The following KDM4C variants were observed in gnomAD, a reference collection of about 807,000 sequenced individuals.
The protein encoded by KDM4C is lysine demethylase 4C, also known as lysine-specific demethylase 4C.
A neutral mutation model predicts 129.3 loss-of-function variants in KDM4C; 81 were observed. The observed-to-expected ratio is 0.63, with a 90% CI of 0.52 to 0.75. KDM4C has a LOEUF of 0.75. Among genes scored for constraint, KDM4C ranks in the 30% least tolerant of loss-of-function variants. The pLI is 0.00. For missense variants in KDM4C, 1,457 were observed against 1,304.0 expected (o/e 1.12, Z -1.81); for synonymous variants, 573 against 456.1 (o/e 1.26, Z -3.26).
At chr9:6,993,789 G>A (rs1033986494) in intron 12 of KDM4C, among the ~76,000 whole-genome samples, 4 of 152,216 alleles carry the variant, frequency 2.6e-5, no homozygotes, top group African/African-American at 9.7e-5. Context: ...GGTTGGTGAG[G>A]ATGCCTGCTC....
At position 6,984,385 on chromosome 9, in the gene KDM4C, A is replaced by C; in HGVS notation, c.1335A>C (p.Ser445=). ...GGATGCAGGTGGAGCAGAATTTATCAGATCATATCAAACTCTCAGGTGAGA... is the reference window on the plus strand; with the variant it reads ...GGATGCAGGTGGAGCAGAATTTATCCGATCATATCAAACTCTCAGGTGAGA... The part of the protein sequence containing the change: ...ASRMQVEQNL[S]DHIKLSGNSC... Residue 445 remains serine, a synonymous_variant, in exon 10 of 22, where the codon TCA becomes TCC. Coordinates refer to ENST00000381309, the MANE Select transcript of KDM4C (RefSeq NM_015061.6). The C allele has an allele frequency of 6.2e-7, 1 of 1,611,624 alleles. No homozygotes were observed. Among genetic ancestry groups the C allele is most frequent in the Non-Finnish European group, 8.5e-7 (1 of 1,177,874 alleles).
upstream of KDM4C, among the ~76,000 whole-genome samples, chr9:6,754,794 T>C (rs1818187242): frequency 6.8e-6 from 1 of 148,104 alleles, no homozygotes. Context: ...GAGGACTGCA[T>C]GATCCTAGAA....
intron 12 of KDM4C, among the ~76,000 whole-genome samples, chr9:6,997,685 T>A (rs1192730075): frequency 1.3e-5 from 2 of 152,234 alleles, no homozygotes; most frequent in East Asian, 3.9e-4. Context: ...TTTTTGACTT[T>A]GGGTAAGCCC....
At chr9:6,822,601 G>T (rs561052612) in intron 4 of KDM4C, among the ~76,000 whole-genome samples, 42 of 151,620 alleles carry the variant, frequency 2.8e-4, no homozygotes, top group African/African-American at 9.9e-4. Context: ...ATTTTTTTTT[G>T]TTATGTTTCA....
intron 17 of KDM4C, among the ~76,000 whole-genome samples, chr9:7,095,292 C>T (rs565387627): frequency 7.9e-5 from 12 of 152,346 alleles, no homozygotes; most frequent in Admixed American, 6.5e-4. Context: ...AAAACGTCAG[C>T]AAACCACAGC....
At chr9:6,751,886 T>C (rs116434657) in intron 1 of KDM4C, among the ~76,000 whole-genome samples, 3 of 152,062 alleles carry the variant, frequency 2.0e-5, no homozygotes, top group Non-Finnish European at 4.4e-5. Flanking sequence ...ATCAGTGAAT[T>C]TGATAAATTT....
intron 15 of KDM4C, among the ~76,000 whole-genome samples, chr9:7,018,194 A>G (rs1824022479): frequency 6.6e-6 from 1 of 152,226 alleles, no homozygotes; most frequent in African/African-American, 2.4e-5. Flanking sequence ...GATGTAGCCC[A>G]TTGCTACTAA....
chr9:6,903,493 G>A (rs1817749961), intron 8 of KDM4C, among the ~76,000 whole-genome samples: 1 of 152,138 alleles, frequency 6.6e-6, no homozygotes, highest in Non-Finnish European at 1.5e-5. Context: ...GGTGGGCAGT[G>A]TGCATCAGTC....
intron 15 of KDM4C, among the ~76,000 whole-genome samples, chr9:7,032,373 C>G (rs540757714): frequency 6.6e-6 from 1 of 152,286 alleles, no homozygotes; most frequent in South Asian, 2.1e-4. Context: ...TTTATTACCC[C>G]TGTCCAACCT....
chr9:6,875,605 T>C (rs1171943448), intron 5 of KDM4C, among the ~76,000 whole-genome samples: 1 of 152,166 alleles, frequency 6.6e-6, no homozygotes, highest in African/African-American at 2.4e-5. Context: ...GCGATAACTT[T>C]GGGTGTTTTG....
intron 15 of KDM4C, among the ~76,000 whole-genome samples, chr9:7,028,954 A>C (rs1422662718): frequency 6.6e-6 from 1 of 152,138 alleles, no homozygotes; most frequent in East Asian, 1.9e-4. Context: ...TGTTTCTCCT[A>C]CCGTCTTCAG....
intron 3 of KDM4C, among the ~76,000 whole-genome samples, chr9:6,810,960 T>C (rs1259164612): frequency 1.3e-5 from 2 of 152,206 alleles, no homozygotes; most frequent in African/African-American, 2.4e-5. Flanking sequence ...TAAACAACTT[T>C]TGAAATTCAT....
intron 12 of KDM4C, among the ~76,000 whole-genome samples, chr9:7,004,098 C>T (rs1440390008): frequency 2.0e-5 from 3 of 152,212 alleles, no homozygotes; most frequent in African/African-American, 7.2e-5. Flanking sequence ...TGATGACTGG[C>T]AAAGGGAAAT....
chr9:7,126,592 T>C (rs973816865), intron 18 of KDM4C, among the ~76,000 whole-genome samples: 2 of 152,210 alleles, frequency 1.3e-5, no homozygotes, highest in Non-Finnish European at 2.9e-5. Flanking sequence ...TGTGTGTTTG[T>C]GGCAAATTGA....
chr9:6,818,874 A>G (rs1832569611), intron 4 of KDM4C: 1 of 152,160 alleles, frequency 6.6e-6, no homozygotes, highest in Non-Finnish European at 1.5e-5. Flanking sequence ...AGTTGTGGAA[A>G]TATGTAAAAC....
intron 12 of KDM4C, among the ~76,000 whole-genome samples, chr9:6,999,334 CA>C (rs1423373140): frequency 7.2e-6 from 1 of 139,638 alleles, no homozygotes; most frequent in Non-Finnish European, 1.6e-5. Flanking sequence ...TCAGAAATTA[CA>C]AATTTTTTTA....
rs746010853 is a variant in KDM4C, at chr9:6,986,486, A to G, written c.1497A>G (p.Lys499=). ...PLSSGYEKPE[K]SDPSELSWPK... Reference sequence around the variant, plus strand: ...CTAGTGGCTATGAGAAGCCCGAGAAATCAGACCCATCCGAGCTTTCATGGC... The same window carrying G: ...CTAGTGGCTATGAGAAGCCCGAGAAGTCAGACCCATCCGAGCTTTCATGGC... The change falls in exon 11 of 22, where the codon AAA becomes AAG. Residue 499 remains lysine (K), a synonymous_variant. Transcript: ENST00000381309. 5.0e-6 allele frequency: 8 copies of G among 1,614,166 alleles called. No homozygotes were observed. The highest frequency in any genetic ancestry group is 6.8e-6 in the Non-Finnish European group (8 of 1,180,016).
At chr9:6,762,023 C>T (rs192629796) in intron 1 of KDM4C, among the ~76,000 whole-genome samples, 2 of 152,026 alleles carry the variant, frequency 1.3e-5, no homozygotes, top group Non-Finnish European at 2.9e-5. Flanking sequence ...TGGTCTCGAT[C>T]TCCTGACCTC....
At chr9:7,061,035 G>A (rs2132686770) in intron 17 of KDM4C, among the ~76,000 whole-genome samples, 1 of 152,236 alleles carries the variant, frequency 6.6e-6, no homozygotes, top group Non-Finnish European at 1.5e-5. Flanking sequence ...CCTCTAAAGA[G>A]CTAAATAATA....
Sources: gnomAD v4.1 joint callset for allele counts (sites outside exome capture counted in the v4.1 genomes callset) on GRCh38, gnomAD v4.1.1 for gene constraint, MANE v1.5 for transcripts, NCBI Gene and HGNC (gene_info 2026-07-23, HGNC 2026-07-21) for gene names.